Variants in CNTN5 observed in about 807,000 individuals in gnomAD.
CNTN5 encodes contactin-5.
A neutral mutation model predicts 129.1 loss-of-function variants in CNTN5; 77 were observed. The ratio of observed to expected loss-of-function variants is 0.60; its 90% CI spans 0.50 to 0.72. CNTN5 has a LOEUF of 0.72. Among genes scored for constraint, CNTN5 ranks in the 30% least tolerant of loss-of-function variants. CNTN5 has a pLI of 0.00. For missense variants in CNTN5, 1,478 were observed against 1,328.8 expected (o/e 1.11, Z -1.75); for synonymous variants, 509 against 465.6 (o/e 1.09, Z -1.20).
At chr11:99,196,976 G>C (rs78350422) in intron 1 of CNTN5, among the ~76,000 whole-genome samples, 536 of 151,884 alleles carry the variant, frequency 3.5e-3, no homozygotes, top group African/African-American at 0.012. Context: ...ACACAAACCA[G>C]ATGCTAAAAC....
At chr11:100,184,469 T>C (rs911563616) in intron 13 of CNTN5, among the ~76,000 whole-genome samples, 11 of 152,184 alleles carry the variant, frequency 7.2e-5, no homozygotes, top group African/African-American at 2.4e-4. Context: ...AGCGGATGTA[T>C]GCCAAGGAAT....
chr11:99,518,073 T>G (rs919077285), intron 2 of CNTN5, among the ~76,000 whole-genome samples: 1 of 152,138 alleles, frequency 6.6e-6, no homozygotes, highest in Non-Finnish European at 1.5e-5. Context: ...TCATGGACCT[T>G]CTTTTAGAGT....
At chr11:99,961,913 C>G (rs1180259872) in intron 8 of CNTN5, among the ~76,000 whole-genome samples, 3 of 152,122 alleles carry the variant, frequency 2.0e-5, no homozygotes, top group East Asian at 3.9e-4. Flanking sequence ...TCTTCAGACA[C>G]AGCATCAGGG....
At chr11:99,557,433 A>T (rs1471191377) in intron 3 of CNTN5, among the ~76,000 whole-genome samples, 2 of 151,270 alleles carry the variant, frequency 1.3e-5, no homozygotes, top group Admixed American at 1.3e-4. Flanking sequence ...TATCTAATTG[A>T]TTATACTAAA....
intron 2 of CNTN5, among the ~76,000 whole-genome samples, chr11:99,396,535 T>G (rs908163754): frequency 1.3e-5 from 2 of 151,626 alleles, no homozygotes; most frequent in Non-Finnish European, 3.0e-5. Context: ...CTTTTAAATT[T>G]AAGTGTAAAA....
At chr11:99,039,509 A>G (rs1407784088) in intron 1 of CNTN5, among the ~76,000 whole-genome samples, 1 of 152,160 alleles carries the variant, frequency 6.6e-6, no homozygotes, top group Non-Finnish European at 1.5e-5. Context: ...AGAAAACACT[A>G]AAAGTAAAAA....
intron 3 of CNTN5, among the ~76,000 whole-genome samples, chr11:99,776,709 C>G (rs1418609160): frequency 6.6e-6 from 1 of 151,094 alleles, no homozygotes; most frequent in Non-Finnish European, 1.5e-5. Context: ...CTCTACGGGA[C>G]AGAAGCTAAT....
At chr11:99,613,462 A>G (rs2135737725) in intron 3 of CNTN5, among the ~76,000 whole-genome samples, 1 of 152,268 alleles carries the variant, frequency 6.6e-6, no homozygotes, top group East Asian at 1.9e-4. Flanking sequence ...TTTCCTTTAT[A>G]AATTACCCAG....
intron 2 of CNTN5, among the ~76,000 whole-genome samples, chr11:99,526,176 A>T (rs1274744993): frequency 6.6e-6 from 1 of 152,176 alleles, no homozygotes; most frequent in Non-Finnish European, 1.5e-5. Context: ...CAATAACTTG[A>T]TCTAATAATA....
chr11:99,462,109 C>A (rs539409375), intron 2 of CNTN5, among the ~76,000 whole-genome samples: 1 of 151,986 alleles, frequency 6.6e-6, no homozygotes, highest in Non-Finnish European at 1.5e-5. Context: ...TATTATACAG[C>A]GCAGTTCTAG....
At chr11:100,107,524 G>A (rs1370320032) in intron 13 of CNTN5, among the ~76,000 whole-genome samples, 1 of 139,626 alleles carries the variant, frequency 7.2e-6, no homozygotes, top group Admixed American at 7.5e-5. Flanking sequence ...AAACATCTCA[G>A]TGGTTCCAAA....
intron 3 of CNTN5, among the ~76,000 whole-genome samples, chr11:99,613,511 A>G (rs2135737887): frequency 6.6e-6 from 1 of 152,306 alleles, no homozygotes; most frequent in East Asian, 1.9e-4. Flanking sequence ...AAATAGACTT[A>G]TACAAAGGAC....
At chr11:99,665,311 A>G (rs551648598) in intron 3 of CNTN5, among the ~76,000 whole-genome samples, 44 of 152,058 alleles carry the variant, frequency 2.9e-4, no homozygotes, top group Non-Finnish European at 5.7e-4. Flanking sequence ...CTACATATTT[A>G]AGGAAAATGT....
intron 7 of CNTN5, among the ~76,000 whole-genome samples, chr11:99,942,267 A>T (rs1200348475): frequency 6.6e-6 from 1 of 152,076 alleles, no homozygotes; most frequent in Non-Finnish European, 1.5e-5. Flanking sequence ...TGATGCATCC[A>T]GAGAACTATG....
At chr11:99,213,221 A>G (rs200709019) in intron 1 of CNTN5, among the ~76,000 whole-genome samples, 23 of 103,182 alleles carry the variant, frequency 2.2e-4, no homozygotes, top group South Asian at 5.7e-4. Context: ...ATGTGTGTGT[A>G]TATATATATA....
At chr11:99,142,582 T>C (rs1940503) in intron 1 of CNTN5, among the ~76,000 whole-genome samples, 138,354 of 152,134 alleles carry the variant, frequency 0.91, 63,176 homozygotes, top group East Asian at 0.99. Flanking sequence ...CAGACCAGAC[T>C]GGATGGTGCT....
At chr11:99,957,502 G>A (rs1257730536) in intron 8 of CNTN5, among the ~76,000 whole-genome samples, 2 of 152,244 alleles carry the variant, frequency 1.3e-5, no homozygotes, top group East Asian at 3.9e-4. Flanking sequence ...GTGCAAATCA[G>A]GCAGAAGTGA....
chr11:100,157,829 TC>T (rs966024745), intron 13 of CNTN5, among the ~76,000 whole-genome samples: 1 of 151,568 alleles, frequency 6.6e-6, no homozygotes, highest in African/African-American at 2.4e-5. Flanking sequence ...GTGGTGATAT[TC>T]CAGATCTATA....
At chr11:99,891,941 CCAA>C (rs1949071071) in intron 6 of CNTN5, among the ~76,000 whole-genome samples, 1 of 152,098 alleles carries the variant, frequency 6.6e-6, no homozygotes, top group African/African-American at 2.4e-5. Context: ...ATTTACACTC[CCAA>C]CAACAGTGTA....
Sources: allele counts gnomAD v4.1 joint callset (sites outside exome capture counted in the v4.1 genomes callset), GRCh38; gene constraint gnomAD v4.1.1; transcripts MANE v1.5; gene names NCBI Gene and HGNC (gene_info 2026-07-23, HGNC 2026-07-21).